ERG: variants seen among roughly 807,000 people sequenced by gnomAD.
ERG encodes the protein ETS transcription factor ERG.
Under a neutral mutation model 55.3 loss-of-function variants are expected in ERG, and 9 were observed. That is an observed-to-expected ratio of 0.16 (90% CI 0.10 to 0.28). The LOEUF is 0.28. Ranked by LOEUF, ERG falls within the 10% of genes least tolerant of loss-of-function variation. ERG has a pLI of 1.00. For synonymous variants in ERG, 223 were observed against 237.3 expected, an observed-to-expected ratio of 0.94 and a Z score of 0.55; for missense variants, 434 against 631.6, an observed-to-expected ratio of 0.69 and a Z score of 3.35.
At chr21:38,535,082 T>C (rs564199166) in intron 2 of ERG, among the ~76,000 whole-genome samples, 3 of 152,208 alleles carry the variant, frequency 2.0e-5, no homozygotes, top group Admixed American at 1.3e-4. Context: ...CCAGTATGTA[T>C]TAGCTATTTT....
chr21:38,408,723 C>G (rs575728240), intron 3 of ERG, among the ~76,000 whole-genome samples: 1 of 152,132 alleles, frequency 6.6e-6, no homozygotes, highest in African/African-American at 2.4e-5. Context: ...GCTTCTGTCA[C>G]ACCAGGAATC....
At chr21:38,497,038 C>T (rs929552877) in intron 1 of ERG, among the ~76,000 whole-genome samples, 2 of 152,188 alleles carry the variant, frequency 1.3e-5, no homozygotes, top group African/African-American at 2.4e-5. Context: ...TTTATAATTC[C>T]TGTCTATAGG....
intron 3 of ERG, among the ~76,000 whole-genome samples, chr21:38,421,601 T>C (rs1194586510): frequency 6.6e-6 from 1 of 152,188 alleles, no homozygotes; most frequent in Non-Finnish European, 1.5e-5. Flanking sequence ...TTAATTTAGG[T>C]GACCCCAGGA....
intron 6 of ERG, among the ~76,000 whole-genome samples, chr21:38,397,409 C>T (rs1035452457): frequency 9.2e-5 from 14 of 151,888 alleles, no homozygotes; most frequent in Admixed American, 1.3e-4. Context: ...ACCATCCTGA[C>T]CAATATGGTG....
intron 1 of ERG, among the ~76,000 whole-genome samples, chr21:38,651,743 G>A (rs905775306): frequency 1.3e-5 from 2 of 151,934 alleles, no homozygotes; most frequent in Admixed American, 6.6e-5. Context: ...GCTCCCTTCC[G>A]GTCACTTCCA....
At chr21:38,494,437 G>A (rs1178346002) in intron 1 of ERG, among the ~76,000 whole-genome samples, 4 of 152,138 alleles carry the variant, frequency 2.6e-5, no homozygotes, top group South Asian at 2.1e-4. Flanking sequence ...CAATAAATCC[G>A]CCAAATTGTT....
chr21:38,502,776 G>GAGT (rs1255547968), upstream of ERG, among the ~76,000 whole-genome samples: 1 of 150,316 alleles, frequency 6.7e-6, no homozygotes, highest in Non-Finnish European at 1.5e-5. Context: ...GCCCAGGCTG[G>GAGT]AGTGCAGTGG....
chr21:38,446,500 C>T (rs867470102), intron 1 of ERG, among the ~76,000 whole-genome samples: 3 of 152,098 alleles, frequency 2.0e-5, no homozygotes, highest in South Asian at 2.1e-4. Flanking sequence ...GAAATTTCAA[C>T]GACTTAAATG....
At position 38,534,562 on chromosome 21, in the gene ERG, TA is replaced by T. The variant is rs527969709; in HGVS notation, c.-41+41099del. Among the ~76,000 whole-genome samples the T allele has an allele frequency of 4.6e-3, 697 of 152,180 alleles. 8 individuals carry two copies. Among genetic ancestry groups the T allele is most frequent in the African/African-American group, 0.016 (656 of 41,544 alleles). ...GGCTACTATGAAATATAAAAAAAAT[TA>T]AAAATAACAATGGTGGCAAAAATAT... On this transcript the variant is annotated intron_variant, in intron 2 of 8. Transcript: ENST00000398897.
At chr21:38,571,518 A>T (rs565785829) in intron 2 of ERG, among the ~76,000 whole-genome samples, 2 of 151,962 alleles carry the variant, frequency 1.3e-5, no homozygotes, top group African/African-American at 4.8e-5. Flanking sequence ...CTTAAAAAAA[A>T]TAAATAAAAA....
In ERG at chr21:38,592,571, C is replaced by CTGTGTGTGTGTGTGTG. The variant is rs56195027; in HGVS notation, c.-149-7642_-149-7627dup. Among the ~76,000 whole-genome samples, 475 of 148,072 alleles carry CTGTGTGTGTGTGTGTG rather than the reference C, an allele frequency of 3.2e-3. 2 individuals are homozygous for CTGTGTGTGTGTGTGTG. The highest frequency in any genetic ancestry group is 0.011 in the African/African-American group (441 of 40,134). On this transcript the variant is annotated intron_variant, in intron 1 of 10. Coordinates refer to the ERG transcript ENST00000398910. ...GGCTGCTTATTGTCATCTCCCTTCA[C>CTGTGTGTGTGTGTGTG]TGTGTGTGTGTGTGTGTGTGTGTGT...
intron 9 of ERG, among the ~76,000 whole-genome samples, chr21:38,387,988 A>T (rs934570377): frequency 2.0e-5 from 3 of 152,212 alleles, no homozygotes; most frequent in East Asian, 1.9e-4. Context: ...GGCCTGGTTT[A>T]TGCACACCTC....
chr21:38,394,176 C>T lies in ERG; in HGVS notation c.746-1732G>A, dbSNP rs1988098277. 2.6e-5 allele frequency among the ~76,000 whole-genome samples: 4 copies of T among 152,078 alleles called. No homozygotes were observed. In the South Asian group the frequency reaches 8.3e-4, roughly 32 times the overall value. ...GAGCAGAAAAGCACATTAACTAAGG[C>T]CTTCTATTTACCAAATGAAAAAAAG... On this transcript the variant is annotated intron_variant, in intron 6 of 9. Coordinates refer to ENST00000288319, the MANE Select transcript of ERG (RefSeq NM_182918.4).
intron 1 of ERG, among the ~76,000 whole-genome samples, chr21:38,578,553 G>A (rs914236868): frequency 2.6e-5 from 4 of 152,174 alleles, no homozygotes; most frequent in Non-Finnish European, 4.4e-5. Context: ...CAGGAGGCAG[G>A]ACATGTTCCC....
intron 1 of ERG, among the ~76,000 whole-genome samples, chr21:38,590,356 G>C (rs1458309890): frequency 6.6e-6 from 1 of 152,198 alleles, no homozygotes; most frequent in African/African-American, 2.4e-5. Flanking sequence ...GGAGGAAATA[G>C]ATGAGGAGAG....
intron 2 of ERG, among the ~76,000 whole-genome samples, chr21:38,433,638 T>A (rs527650039): frequency 6.6e-6 from 1 of 151,660 alleles, no homozygotes; most frequent in Non-Finnish European, 1.5e-5. Context: ...TTGACAAGCA[T>A]GGAGCCTCAG....
the ERG span, among the ~76,000 whole-genome samples, chr21:38,371,491 T>A: frequency 1.3e-5 from 2 of 152,084 alleles, no homozygotes; most frequent in African/African-American, 4.8e-5. Context: ...TATAGCTTTA[T>A]GTGAAATATT....
At chr21:38,656,674 A>C (rs1377238243) in intron 1 of ERG, among the ~76,000 whole-genome samples, 1 of 152,230 alleles carries the variant, frequency 6.6e-6, no homozygotes, top group Non-Finnish European at 1.5e-5. Flanking sequence ...GAATCACTTA[A>C]TGGAAATAGG....
intron 5 of ERG, among the ~76,000 whole-genome samples, chr21:38,401,867 C>T (rs575885725): frequency 2.5e-4 from 38 of 152,300 alleles, no homozygotes; most frequent in African/African-American, 8.4e-4. Flanking sequence ...GGATGAGGCA[C>T]GGTGTTAAAC....
Sources: allele counts gnomAD v4.1 joint callset (sites outside exome capture counted in the v4.1 genomes callset), GRCh38; gene constraint gnomAD v4.1.1; transcripts MANE v1.5; gene names NCBI Gene and HGNC (gene_info 2026-07-23, HGNC 2026-07-21).